The following KCNMA1 variants were observed in gnomAD, a reference collection of about 807,000 sequenced individuals.
The protein encoded by KCNMA1 is Calcium-activated potassium channel subunit alpha-1.
Under a neutral mutation model 140.0 loss-of-function variants are expected in KCNMA1, and 29 were observed. The ratio of observed to expected loss-of-function variants is 0.21; its 90% confidence interval spans 0.15 to 0.28. The LOEUF is 0.28. Among genes scored for constraint, KCNMA1 ranks in the 10% least tolerant of loss-of-function variants. The pLI is 1.00. For synonymous variants in KCNMA1, 612 were observed against 611.9 expected, an observed-to-expected ratio of 1.00 and a Z score of 0.00; for missense variants, 880 against 1,602.2, an observed-to-expected ratio of 0.55 and a Z score of 7.70.
intron 2 of KCNMA1, among the ~76,000 whole-genome samples, chr10:77,339,507 G>A (rs2090276936): frequency 6.6e-6 from 1 of 152,168 alleles, no homozygotes; most frequent in African/African-American, 2.4e-5. Flanking sequence ...TGGGGAAGCA[G>A]AGCTAGGCAC....
intron 13 of KCNMA1, 110 bp downstream of exon 13, chr10:77,079,371 T>A (rs1202414804): frequency 2.0e-5 from 11 of 538,204 alleles, no homozygotes; most frequent in South Asian, 6.1e-5. Context: ...CATGTGAGAG[T>A]GTGTGTGTGT....
At chr10:77,535,028 G>C (rs542234461) in intron 1 of KCNMA1, among the ~76,000 whole-genome samples, 146 of 152,246 alleles carry the variant, frequency 9.6e-4, no homozygotes, top group African/African-American at 3.4e-3. Flanking sequence ...ACAAACTACA[G>C]GGATGCTATA....
chr10:77,295,313 C>T (rs748043967), intron 2 of KCNMA1, among the ~76,000 whole-genome samples: 20 of 150,974 alleles, frequency 1.3e-4, no homozygotes, highest in Non-Finnish European at 1.9e-4. Flanking sequence ...TGCCACTGCA[C>T]TCTAGCCTGG....
chr10:77,323,190 T>A lies in KCNMA1; in HGVS notation c.541-71934A>T, dbSNP rs112620041. Among the ~76,000 whole-genome samples, 1,260 of 152,288 alleles carry A rather than the reference T, an allele frequency of 8.3e-3. 15 individuals carry two copies. The highest frequency in any genetic ancestry group is 0.029 in the African/African-American group (1,188 of 41,558). ...TCCAGTAGGGACACAGGCATTCTAT[T>A]AGCTCAGCAGAATACAGGGCTCCCA... On this transcript the variant is annotated intron_variant, in intron 2 of 27. Transcript: ENST00000286628.
rs142498025 is a variant in KCNMA1, at chr10:77,019,560, T to A, written c.1929-461A>T. 34 of 183,502 alleles carry A rather than the reference T, an allele frequency of 1.9e-4. No individual in the cohort carries two copies. In the East Asian group the frequency reaches 4.5e-3, roughly 24 times the overall value. 11.4% of individuals were successfully genotyped at this position (183,502 alleles called of 1,614,324 possible). On this transcript the variant is annotated intron_variant, in intron 16 of 27. Coordinates refer to ENST00000286628, the MANE Select transcript of KCNMA1 (RefSeq NM_001161352.2). Reference sequence around the variant, plus strand: ...CCTATAGATATACATAAACATCATGTACACACACCACATATTACCGCAGGG... The same window carrying A: ...CCTATAGATATACATAAACATCATGAACACACACCACATATTACCGCAGGG...
chr10:77,558,042 T>C (rs2065149213), intron 1 of KCNMA1, among the ~76,000 whole-genome samples: 1 of 152,204 alleles, frequency 6.6e-6, no homozygotes, highest in Admixed American at 6.5e-5. Context: ...GAATTAATAA[T>C]AAATTACCTT....
At chr10:77,256,574 C>T (rs1425753754) in intron 2 of KCNMA1, among the ~76,000 whole-genome samples, 1 of 152,158 alleles carries the variant, frequency 6.6e-6, no homozygotes, top group Non-Finnish European at 1.5e-5. Flanking sequence ...TGTATGAGGC[C>T]TGCAGGCTTA....
At chr10:77,127,341 A>G (rs554814255) in intron 5 of KCNMA1, among the ~76,000 whole-genome samples, 6 of 152,276 alleles carry the variant, frequency 3.9e-5, no homozygotes, top group African/African-American at 1.4e-4. Context: ...CAACAGAGCC[A>G]AGTTTCACCA....
chr10:77,110,056 C>T lies in KCNMA1; in HGVS notation c.1131+117G>A, dbSNP rs190780937. On this transcript the variant is annotated intron_variant, in intron 8 of 27. Transcript: ENST00000286628. ...TTGGATTTACTTAGCCTGATTGTAA[C>T]GTTAAGGCTTGCTTCTAGTGCAGAA... The T allele has an allele frequency of 3.6e-4, 330 of 912,028 alleles. 1 individual carries two copies. Among genetic ancestry groups the T allele is most frequent in the African/African-American group, 2.3e-3 (142 of 60,674 alleles). The allele number at this position is 912,028 out of a possible 1,614,324, so 56.5% of individuals were successfully genotyped here.
intron 1 of KCNMA1, among the ~76,000 whole-genome samples, chr10:77,596,364 A>G (rs1211525647): frequency 6.6e-6 from 1 of 152,220 alleles, no homozygotes; most frequent in Non-Finnish European, 1.5e-5. Context: ...TCATACATGC[A>G]TAAAAAGACT....
At chr10:77,125,341 TC>T (rs1190302758) in intron 5 of KCNMA1, among the ~76,000 whole-genome samples, 1 of 152,174 alleles carries the variant, frequency 6.6e-6, no homozygotes, top group Non-Finnish European at 1.5e-5. Flanking sequence ...TCTGATGGCT[TC>T]CTACTGTCAC....
chr10:77,186,839 A>G (rs2098864610), intron 3 of KCNMA1, among the ~76,000 whole-genome samples: 3 of 150,472 alleles, frequency 2.0e-5, no homozygotes, highest in Non-Finnish European at 4.4e-5. Flanking sequence ...GCAAGCAAGG[A>G]TGGGGAGATC....
intron 3 of KCNMA1, among the ~76,000 whole-genome samples, chr10:77,226,121 T>C (rs1005534527): frequency 2.0e-5 from 3 of 152,128 alleles, no homozygotes; most frequent in African/African-American, 7.2e-5. Context: ...TCTTTTGAAA[T>C]GCCAAATAAT....
rs35728303 is a variant in KCNMA1 at position 77,449,644 on chromosome 10, A to AT, written c.379-45622dup. Among the ~76,000 whole-genome samples the AT allele has an allele frequency of 8.1e-4, 93 of 114,758 alleles. No individual in the cohort carries two copies. The Middle Eastern group carries it at 0.013, about 16-fold the overall frequency. 75.3% of individuals were successfully genotyped at this position (114,758 alleles called of 152,430 possible). Reference sequence around the variant, plus strand: ...TTTTCAATTTTTTTTTTAATTTTTAATTTTTTTTTTTTTTTTGAGACGGAG... The same window carrying AT: ...TTTTCAATTTTTTTTTTAATTTTTAATTTTTTTTTTTTTTTTTGAGACGGAG... On this transcript the variant is annotated intron_variant, in intron 1 of 27. Transcript: ENST00000286628.
At chr10:77,385,797 C>T (rs1030436826) in intron 2 of KCNMA1, among the ~76,000 whole-genome samples, 2 of 152,170 alleles carry the variant, frequency 1.3e-5, no homozygotes, top group African/African-American at 4.8e-5. Flanking sequence ...TGGAAAGCCA[C>T]TGAAGGTCTC....
chr10:76,937,698 G>A (rs1245385531), intron 23 of KCNMA1, among the ~76,000 whole-genome samples: 1 of 152,130 alleles, frequency 6.6e-6, no homozygotes, highest in Non-Finnish European at 1.5e-5. Flanking sequence ...CAGACTTTAG[G>A]ATAGGGAAGG....
Position 77,371,933 on chromosome 10 carries a change from A to C in KCNMA1, c.540+31929T>G, listed in dbSNP as rs890424807. ...CTTGCTGACCACCCAAGCCACAAAG[A>C]GCTCTCCTTTCCTTAAAGCATGGAG... On this transcript the variant is annotated intron_variant, in intron 2 of 27. Coordinates refer to ENST00000286628, the MANE Select transcript of KCNMA1 (RefSeq NM_001161352.2). 3.2e-4 allele frequency among the ~76,000 whole-genome samples: 49 copies of C among 152,194 alleles called. 3 individuals are homozygous for C. Among genetic ancestry groups the C allele is most frequent in the Non-Finnish European group, 5.9e-5 (4 of 68,034 alleles).
At chr10:76,891,251 T>A (rs770549450) in intron 26 of KCNMA1, among the ~76,000 whole-genome samples, 3 of 152,208 alleles carry the variant, frequency 2.0e-5, no homozygotes, top group Admixed American at 6.5e-5. Flanking sequence ...TCCCAATAGG[T>A]CTAGTGCTCA....
intron 2 of KCNMA1, among the ~76,000 whole-genome samples, chr10:77,346,099 A>C (rs1382584661): frequency 3.9e-5 from 6 of 152,224 alleles, no homozygotes; most frequent in Non-Finnish European, 5.9e-5. Flanking sequence ...AGTGGAATCT[A>C]TGCTAGTCTT....
Sources: allele counts gnomAD v4.1 joint callset (sites outside exome capture counted in the v4.1 genomes callset), GRCh38; gene constraint gnomAD v4.1.1; transcripts MANE v1.5; gene names NCBI Gene and HGNC (gene_info 2026-07-23, HGNC 2026-07-21).